Variants in SNAPC1 observed in about 807,000 individuals in gnomAD.
SNAPC1 encodes small nuclear RNA activating complex polypeptide 1.
In SNAPC1, 42 loss-of-function variants were observed where a neutral mutation model predicts 50.1. That is an observed-to-expected ratio of 0.84 (90% CI 0.65 to 1.08). The LOEUF is 1.08. Among genes scored for constraint, SNAPC1 ranks in the 50% least tolerant of loss-of-function variants. The pLI is 0.00. For missense variants in SNAPC1, 477 were observed against 427.3 expected (o/e 1.12, Z -1.02); for synonymous variants, 164 against 144.2 (o/e 1.14, Z -0.98).
intron 1 of SNAPC1, among the ~76,000 whole-genome samples, chr14:61,764,471 A>G (rs898200591): frequency 6.6e-6 from 1 of 152,096 alleles, no homozygotes; most frequent in Non-Finnish European, 1.5e-5. Context: ...ACTACATGCC[A>G]TTTATTTATA....
intron 4 of SNAPC1, among the ~76,000 whole-genome samples, chr14:61,775,552 C>T (rs1364970808): frequency 6.6e-6 from 1 of 152,146 alleles, no homozygotes; most frequent in Non-Finnish European, 1.5e-5. Context: ...CCACACCTGG[C>T]CTACCCTCTA....
intron 1 of SNAPC1, among the ~76,000 whole-genome samples, chr14:61,765,989 G>A (rs1416333004): frequency 6.6e-6 from 1 of 152,178 alleles, no homozygotes; most frequent in Non-Finnish European, 1.5e-5. Context: ...TGGAGAAAAT[G>A]TTCGTTAGGT....
intron 5 of SNAPC1, among the ~76,000 whole-genome samples, chr14:61,777,504 T>A (rs1263880294): frequency 1.3e-5 from 2 of 152,100 alleles, no homozygotes; most frequent in Non-Finnish European, 2.9e-5. Context: ...CAGCCTTCAG[T>A]GTAACTGGGT....
At chr14:61,777,464 A>G (rs2045043075) in intron 5 of SNAPC1, among the ~76,000 whole-genome samples, 2 of 152,134 alleles carry the variant, frequency 1.3e-5, no homozygotes. Context: ...TGCAGCCTCA[A>G]CCTCCCAGGC....
intron 7 of SNAPC1, among the ~76,000 whole-genome samples, chr14:61,779,290 C>G (rs980225798): frequency 6.6e-6 from 1 of 152,118 alleles, no homozygotes; most frequent in African/African-American, 2.4e-5. Context: ...GTTTATTGCC[C>G]TTGGCACTCA....
intron 8 of SNAPC1, among the ~76,000 whole-genome samples, chr14:61,789,474 T>C (rs2045137615): frequency 6.6e-6 from 1 of 152,182 alleles, no homozygotes; most frequent in Admixed American, 6.5e-5. Context: ...AAGGATAGTA[T>C]AATGAGAAAC....
At chr14:61,763,725 A>G (rs1457895138) in intron 1 of SNAPC1, among the ~76,000 whole-genome samples, 2 of 152,090 alleles carry the variant, frequency 1.3e-5, no homozygotes, top group Non-Finnish European at 2.9e-5. Context: ...GTAATGGTAT[A>G]GTTGAAAAGG....
At chr14:61,782,765 G>T (rs938896096) in intron 8 of SNAPC1, among the ~76,000 whole-genome samples, 4 of 151,920 alleles carry the variant, frequency 2.6e-5, no homozygotes, top group African/African-American at 9.7e-5. Flanking sequence ...TAAAAGTCGG[G>T]CATGGTAGCG....
intron 4 of SNAPC1, among the ~76,000 whole-genome samples, chr14:61,772,215 G>A (rs1045355041): frequency 6.6e-6 from 1 of 151,964 alleles, no homozygotes; most frequent in African/African-American, 2.4e-5. Flanking sequence ...TCCCACCTCA[G>A]CCTCCTGAGT....
intron 7 of SNAPC1, among the ~76,000 whole-genome samples, chr14:61,779,899 G>T (rs113904007): frequency 1.4e-4 from 21 of 151,808 alleles, no homozygotes; most frequent in African/African-American, 5.1e-4. Flanking sequence ...GTAGAGTTGG[G>T]GGTTTCTCCA....
At chr14:61,790,780 T>A (rs1385949405) in intron 8 of SNAPC1, among the ~76,000 whole-genome samples, 1 of 152,202 alleles carries the variant, frequency 6.6e-6, no homozygotes, top group Non-Finnish European at 1.5e-5. Context: ...CCCAGGTCAC[T>A]GGAGGTGTGG....
chr14:61,787,956 A>G (rs1404205708), intron 8 of SNAPC1, among the ~76,000 whole-genome samples: 2 of 152,260 alleles, frequency 1.3e-5, no homozygotes. Flanking sequence ...AAATTTTTTA[A>G]TGTGGTTGGG....
Sources: allele counts gnomAD v4.1 joint callset (sites outside exome capture counted in the v4.1 genomes callset), GRCh38; gene constraint gnomAD v4.1.1; transcripts MANE v1.5; gene names NCBI Gene and HGNC (gene_info 2026-07-23, HGNC 2026-07-21).